The following SAMD12 variants were observed in gnomAD, a reference collection of about 807,000 sequenced individuals.
The protein encoded by SAMD12 is sterile alpha motif domain containing 12, also known as sterile alpha motif domain-containing protein 12.
A neutral mutation model predicts 15.0 loss-of-function variants in SAMD12; 9 were observed. That is an observed-to-expected ratio of 0.60 (90% CI 0.36 to 1.05). The LOEUF is 1.05. Among genes scored for constraint, SAMD12 ranks in the 50% least tolerant of loss-of-function variants. The pLI is 0.01. For synonymous variants in SAMD12, 86 were observed against 90.1 expected, an observed-to-expected ratio of 0.96 and a Z score of 0.25; for missense variants, 230 against 234.2, an observed-to-expected ratio of 0.98 and a Z score of 0.12.
chr8:118,497,685 T>A (rs2515054), intron 2 of SAMD12, among the ~76,000 whole-genome samples: 39,029 of 122,908 alleles, frequency 0.32, 5,679 homozygotes, highest in East Asian at 0.39. Context: ...GTAACATACC[T>A]GCACATGTAC....
Position 118,548,386 on chromosome 8 carries a change from C to T in SAMD12, c.192+32329G>A, listed in dbSNP as rs1238370715. ...ACCCTTTACACTAAAAACACACATA[C>T]ACACACACACACACACACACACACA... On this transcript the variant is annotated intron_variant, in intron 2 of 3. Coordinates refer to ENST00000314727, the MANE Select transcript of SAMD12 (RefSeq NM_207506.3). Among the ~76,000 whole-genome samples the T allele has an allele frequency of 5.0e-3, 126 of 25,306 alleles. No individual in the cohort carries two copies. In the East Asian group the frequency reaches 0.05, roughly 10 times the overall value. The allele number at this position is 25,306 out of a possible 152,430, so 16.6% of individuals were successfully genotyped here.
chr8:118,242,797 T>A (rs1319386173), intron 4 of SAMD12, among the ~76,000 whole-genome samples: 3 of 152,002 alleles, frequency 2.0e-5, no homozygotes, highest in Non-Finnish European at 4.4e-5. Flanking sequence ...GGCTAAGGAG[T>A]ATGAAACTAT....
intron 2 of SAMD12, among the ~76,000 whole-genome samples, chr8:118,441,273 T>C (rs996430087): frequency 2.6e-5 from 4 of 152,340 alleles, no homozygotes; most frequent in Non-Finnish European, 5.9e-5. Flanking sequence ...ATAAATTTTA[T>C]TTTCTGTGGC....
chr8:118,144,978 G>T, the SAMD12 span, among the ~76,000 whole-genome samples: 1 of 152,194 alleles, frequency 6.6e-6, no homozygotes, highest in East Asian at 1.9e-4. Flanking sequence ...GCAATCTAGT[G>T]GGGAAGTTAG....
intron 4 of SAMD12, among the ~76,000 whole-genome samples, chr8:118,353,415 T>C (rs1381100327): frequency 6.6e-6 from 1 of 151,460 alleles, no homozygotes; most frequent in African/African-American, 2.4e-5. Flanking sequence ...GTCACAAGGG[T>C]GGAGTCTTTA....
intron 2 of SAMD12, among the ~76,000 whole-genome samples, chr8:118,547,184 A>G (rs1486724245): frequency 2.6e-5 from 4 of 152,224 alleles, no homozygotes; most frequent in South Asian, 4.1e-4. Context: ...AAAGTTTTAC[A>G]ACAGCATGTT....
chr8:118,486,664 T>C (rs1260898178), intron 2 of SAMD12, among the ~76,000 whole-genome samples: 1 of 152,028 alleles, frequency 6.6e-6, no homozygotes, highest in Non-Finnish European at 1.5e-5. Flanking sequence ...CACAGAACTA[T>C]AATATAAGAA....
chr8:118,425,856 C>A (rs1224393284), intron 3 of SAMD12, among the ~76,000 whole-genome samples: 1 of 152,044 alleles, frequency 6.6e-6, no homozygotes, highest in Non-Finnish European at 1.5e-5. Context: ...ATTTCAGAAC[C>A]CCACTCTGGT....
the SAMD12 span, among the ~76,000 whole-genome samples, chr8:118,138,390 G>A: frequency 6.6e-6 from 1 of 152,188 alleles, no homozygotes; most frequent in South Asian, 2.1e-4. Flanking sequence ...AGGCCATTGG[G>A]AGGAGATTTG....
At chr8:118,557,865 T>G (rs1411641252) in intron 2 of SAMD12, among the ~76,000 whole-genome samples, 1 of 152,150 alleles carries the variant, frequency 6.6e-6, no homozygotes, top group Admixed American at 6.5e-5. Flanking sequence ...TTCTACCTTT[T>G]TAAGCTTAGC....
intron 2 of SAMD12, among the ~76,000 whole-genome samples, chr8:118,544,579 T>A (rs960493283): frequency 6.6e-6 from 1 of 152,178 alleles, no homozygotes; most frequent in Non-Finnish European, 1.5e-5. Flanking sequence ...CCAGGTCACA[T>A]TCCTTGAAAA....
At chr8:118,618,042 TAA>T (rs112337429) in intron 1 of SAMD12, among the ~76,000 whole-genome samples, 1 of 104,990 alleles carries the variant, frequency 9.5e-6, no homozygotes, top group Non-Finnish European at 2.2e-5. Context: ...TTTTTTTTTT[TAA>T]AAAAAGGCAA....
intron 2 of SAMD12, among the ~76,000 whole-genome samples, chr8:118,553,456 T>C (rs1163565610): frequency 6.6e-6 from 1 of 152,200 alleles, no homozygotes; most frequent in African/African-American, 2.4e-5. Flanking sequence ...TAATAAATGG[T>C]GCTGGGAAAA....
chr8:118,485,079 G>C (rs1824239638), intron 2 of SAMD12, among the ~76,000 whole-genome samples: 2 of 152,084 alleles, frequency 1.3e-5, no homozygotes. Context: ...CTTTTCACTT[G>C]AACTGTTCCT....
chr8:118,365,881 G>A (rs1397958619), intron 4 of SAMD12, among the ~76,000 whole-genome samples: 1 of 151,896 alleles, frequency 6.6e-6, no homozygotes, highest in Non-Finnish European at 1.5e-5. Context: ...AGATTTTCCT[G>A]ATCCCTTAGA....
At chr8:118,318,100 C>G (rs34458847) in intron 4 of SAMD12, among the ~76,000 whole-genome samples, 74,012 of 151,164 alleles carry the variant, frequency 0.49, 20,551 homozygotes, top group African/African-American at 0.78. Context: ...ACTGCTGGTG[C>G]GAATGTAATT....
chr8:118,461,226 G>C (rs1823412034), intron 2 of SAMD12, among the ~76,000 whole-genome samples: 2 of 152,206 alleles, frequency 1.3e-5, no homozygotes, highest in African/African-American at 4.8e-5. Flanking sequence ...GGTACACACA[G>C]TTCTATCCAT....
the SAMD12 span, among the ~76,000 whole-genome samples, chr8:118,162,731 T>A: frequency 6.6e-6 from 1 of 152,206 alleles, no homozygotes; most frequent in East Asian, 1.9e-4. Flanking sequence ...CTTTGAGGAA[T>A]GTCTACAACT....
At chr8:118,185,304 T>C (rs1024459482), downstream of SAMD12, among the ~76,000 whole-genome samples, 4 of 152,162 alleles carry the variant, frequency 2.6e-5, no homozygotes, top group Non-Finnish European at 5.9e-5. Flanking sequence ...AGTTATTTAG[T>C]GGTGATTTCT....
Sources: allele counts gnomAD v4.1 joint callset (sites outside exome capture counted in the v4.1 genomes callset), GRCh38; gene constraint gnomAD v4.1.1; transcripts MANE v1.5; gene names NCBI Gene and HGNC (gene_info 2026-07-23, HGNC 2026-07-21).